The following AMPD2 variants were observed in gnomAD, a reference collection of about 807,000 sequenced individuals.
The protein encoded by AMPD2 is adenosine monophosphate deaminase 2, also known as AMP deaminase 2.
AMPD2 carries 52 observed loss-of-function variants against 91.3 expected under a neutral mutation model. That is an observed-to-expected ratio of 0.57 (90% CI 0.46 to 0.72). The LOEUF is 0.72. Among genes scored for constraint, AMPD2 ranks in the 30% least tolerant of loss-of-function variants. The probability of loss-of-function intolerance (pLI) is 0.00; values close to 1 mark genes in which losing one functional copy is unlikely to be tolerated. For missense variants in AMPD2, 822 were observed against 1,122.3 expected (o/e 0.73, Z 3.82); for synonymous variants, 455 against 456.4 (o/e 1.00, Z 0.04).
chr1:109,627,598 T>G (rs1342994705), intron 9 of AMPD2, 80 bp downstream of exon 9: 1 of 1,558,590 alleles, frequency 6.4e-7, no homozygotes, highest in Non-Finnish European at 8.8e-7. Context: ...CAGACTCCCA[T>G]CACCTGGTGT....
At chr1:109,630,541 T>A in intron 17 of AMPD2, 135 bp downstream of exon 17, 1 of 940,964 alleles carries the variant, frequency 1.1e-6, no homozygotes, top group Non-Finnish European at 1.5e-6. Context: ...GCTGGCCAAT[T>A]GACAAGTCTT....
At position 109,628,312 on chromosome 1, in the gene AMPD2, C is replaced by T. The variant is rs1170385188; in HGVS notation, c.1275+35C>T. Reference sequence around the variant, plus strand: ...AGTGGCGTGGGCTGTGGGACTGAGTCAGTCAGGGGACCAGGAGTCACGGGT... The same window carrying T: ...AGTGGCGTGGGCTGTGGGACTGAGTTAGTCAGGGGACCAGGAGTCACGGGT... On this transcript the variant is annotated intron_variant, in intron 11 of 18. Transcript: ENST00000528667. This position sits in a 1 kb window ranked among gnomAD's most constrained non-coding sequence, Gnocchi z 7.1. The T allele has an allele frequency of 1.9e-6, 3 of 1,612,860 alleles. No homozygotes were observed. In the African/African-American group the frequency reaches 4.0e-5, roughly 22 times the overall value.
chr1:109,629,535 C>G (rs954846165), intron 15 of AMPD2, 45 bp downstream of exon 15: 1 of 1,600,832 alleles, frequency 6.2e-7, no homozygotes, highest in Admixed American at 1.7e-5. Flanking sequence ...ATCTCTCGCC[C>G]AACAAACCTC....
intron 17 of AMPD2, 75 bp downstream of exon 17, chr1:109,630,481 TGGGG>T: frequency 1.5e-5 from 1 of 68,458 alleles, no homozygotes; most frequent in Non-Finnish European, 2.6e-5. Context: ...TGGGGGGCGG[TGGGG>T]GGGGCGGTCT....
rs997695553 is a variant in AMPD2, at chr1:109,628,047, C to T, written c.1081-36C>T. On this transcript the variant is annotated intron_variant, in intron 10 of 18. Coordinates refer to ENST00000528667, the MANE Select transcript of AMPD2 (RefSeq NM_001368809.2). This position sits in a 1 kb window ranked among gnomAD's most constrained non-coding sequence, Gnocchi z 7.1. ...TGCCCCAGGCCCCAGACCTTCCTGG[C>T]CTCTGGTGGATCAGCAGTGCCCTGT... 7.5e-6 allele frequency: 12 copies of T among 1,604,310 alleles called. No individual in the cohort carries two copies. The highest frequency in any genetic ancestry group is 3.4e-5 in the Admixed American group (2 of 59,648).
intron 9 of AMPD2, 58 bp downstream of exon 9, chr1:109,627,576 C>T (rs1002536078): frequency 6.3e-7 from 1 of 1,597,594 alleles, no homozygotes. Flanking sequence ...TTCTCCAGCC[C>T]CAGTTCTGCC....
rs1236553840 is a variant in AMPD2 at position 109,628,836 on chromosome 1, T to C, written c.1571+30T>C. 1 of 1,543,428 alleles carries C rather than the reference T, an allele frequency of 6.5e-7. No homozygotes were observed. Among genetic ancestry groups the C allele is most frequent in the Non-Finnish European group, 8.8e-7 (1 of 1,141,798 alleles). ...GTGTCCCTGGAGTGGGAGGGGAACC[T>C]GCGGGGTCATATTCAAGGGGTCAGG... On this transcript the variant is annotated intron_variant, in intron 13 of 18. Coordinates refer to ENST00000528667, the MANE Select transcript of AMPD2 (RefSeq NM_001368809.2). The surrounding 1 kb of genome is among the most constrained non-coding windows in gnomAD (Gnocchi z 7.1).
intron 2 of AMPD2, among the ~76,000 whole-genome samples, chr1:109,622,835 C>T (rs1003454510): frequency 6.6e-6 from 1 of 152,064 alleles, no homozygotes; most frequent in Non-Finnish European, 1.5e-5. Context: ...GGTCTGTGGT[C>T]GGCCTCCCCT....
At position 109,629,899 on chromosome 1, in the gene AMPD2, G is replaced by C. The variant is rs750791840; in HGVS notation, c.1966G>C (p.Gly656Arg). ...AFMLAENISH[G>R]LLLRKAPVLQ... ...CATGCTGGCTGAGAACATTTCCCAC[G>C]GGCTCCTTCTGCGCAAGGTCAGGAT... Residue 656 changes from glycine (G) to arginine (R), a missense_variant, in exon 16 of 19, where the codon GGG becomes CGG. This residue lies in a region of AMPD2 where 430 missense variants were observed against 606.0 expected (regional missense o/e 0.71). Transcript: ENST00000528667. The C allele has an allele frequency of 6.2e-7, 1 of 1,609,504 alleles. No homozygotes were observed. Among genetic ancestry groups the C allele is most frequent in the African/African-American group, 1.3e-5 (1 of 74,764 alleles).
At chr1:109,623,083 C>A (rs906064646) in intron 2 of AMPD2, among the ~76,000 whole-genome samples, 2 of 152,170 alleles carry the variant, frequency 1.3e-5, no homozygotes, top group African/African-American at 4.8e-5. Context: ...GCCCAGGGAA[C>A]CTCCCACTGT....
Position 109,627,275 on chromosome 1 carries a change from G to A in AMPD2, c.819G>A (p.Arg273=), listed in dbSNP as rs1557933341. The change falls in exon 8 of 19, where the codon CGG becomes CGA. Residue 273 remains arginine (R), a synonymous_variant. Transcript: ENST00000528667. Reference sequence around the variant, plus strand: ...TGGGCTTGGGTCTGCGCATGGTGCGGGGTGTGGTGCACGTCTACACCCGCA... The same window carrying A: ...TGGGCTTGGGTCTGCGCATGGTGCGAGGTGTGGTGCACGTCTACACCCGCA... ...GDLGLGLRMV[R]GVVHVYTRRE... 1 of 1,608,570 alleles carries A rather than the reference G, an allele frequency of 6.2e-7. No individual in the cohort carries two copies. Among genetic ancestry groups the A allele is most frequent in the Admixed American group, 1.7e-5 (1 of 59,668 alleles).
Position 109,625,315 on chromosome 1 carries a change from G to A in AMPD2, c.104G>A (p.Gly35Asp). 6.2e-7 allele frequency: 1 copy of A among 1,613,100 alleles called. No individual in the cohort carries two copies. The highest frequency in any genetic ancestry group is 8.5e-7 in the Non-Finnish European group (1 of 1,179,772). The change falls in exon 3 of 19, where the codon GGT becomes GAT. Residue 35 changes from glycine to aspartate, a missense_variant. Gly to Asp is a moderately conservative substitution (Grantham distance 94). This residue lies in a region of AMPD2 where 105 missense variants were observed against 125.0 expected (regional missense o/e 0.84). Coordinates refer to ENST00000528667, the MANE Select transcript of AMPD2 (RefSeq NM_001368809.2). This position sits in a 1 kb window ranked among gnomAD's most constrained non-coding sequence, Gnocchi z 4.0. ...ACTGTCTCTGCAGAGGCTCGGGGTG[G>A]TCTGGGGGCCCCTCCGCTGCAGTCT... Reference protein sequence around the residue: ...ASTAAPEARGGLGAPPLQSAR... With the variant: ...ASTAAPEARGDLGAPPLQSAR...
chr1:109,620,394 G>C (rs1265253388), intron 1 of AMPD2, 116 bp downstream of exon 1: 1 of 1,494,488 alleles, frequency 6.7e-7, no homozygotes, highest in African/African-American at 1.4e-5. Context: ...AAGGCGGTCA[G>C]CTCCTCCCAG....
Position 109,630,259 on chromosome 1 carries a change from C to T in AMPD2, c.2010C>T (p.Tyr670=), listed in dbSNP as rs1428827940. 6.8e-6 allele frequency: 11 copies of T among 1,613,442 alleles called. No homozygotes were observed. Among genetic ancestry groups the T allele is most frequent in the East Asian group, 4.5e-5 (2 of 44,878 alleles). The change falls in exon 17 of 19, where the codon TAC becomes TAT. Residue 670 remains tyrosine, a synonymous_variant. Coordinates refer to ENST00000528667, the MANE Select transcript of AMPD2 (RefSeq NM_001368809.2). ...RKAPVLQYLY[Y]LAQIGIAMSP... ...CCCCCGTCCTGCAGTACCTGTACTA[C>T]CTGGCCCAGATCGGCATCGCCATGT...
intron 18 of AMPD2, 49 bp from the exon 19 acceptor site, chr1:109,630,894 A>G: frequency 6.2e-7 from 1 of 1,607,046 alleles, no homozygotes; most frequent in Non-Finnish European, 8.5e-7. Flanking sequence ...GTGGGGCATG[A>G]CCCCTCAGCA....
At position 109,629,921 on chromosome 1, in the gene AMPD2, G is replaced by C. The variant is rs756495596; in HGVS notation, c.1983+5G>C. 6.3e-7 allele frequency: 1 copy of C among 1,596,932 alleles called. No homozygotes were observed. Among genetic ancestry groups the C allele is most frequent in the South Asian group, 1.1e-5 (1 of 89,210 alleles). On this transcript the variant is annotated splice_donor_5th_base_variant and intron_variant, in intron 16 of 18. Transcript: ENST00000528667. ...CACGGGCTCCTTCTGCGCAAGGTCAGGATCTGCACCCCTAGCCTTCCCTCC... is the reference window on the plus strand; with the variant it reads ...CACGGGCTCCTTCTGCGCAAGGTCACGATCTGCACCCCTAGCCTTCCCTCC...
At position 109,620,891 on chromosome 1, in the gene AMPD2, AC is replaced by A. The variant is rs1650190268; in HGVS notation, c.-262-18del. 6.3e-6 allele frequency: 9 copies of A among 1,423,026 alleles called. No individual in the cohort carries two copies. The East Asian group carries it at 2.3e-4, about 36-fold the overall frequency. 88.1% of individuals were successfully genotyped at this position (1,423,026 alleles called of 1,614,324 possible). ...CCCTTCCCCATCTTCTTTTCTACCC[AC>A]CCCCTCCCCGCCCCCCGCCAGGCCC... On this transcript the variant is annotated intron_variant, in intron 1 of 18. Coordinates refer to ENST00000528667, the MANE Select transcript of AMPD2 (RefSeq NM_001368809.2).
At chr1:109,621,429 T>TGTGGTTGG in intron 2 of AMPD2, 163 bp downstream of exon 2, 1 of 139,166 alleles carries the variant, frequency 7.2e-6, no homozygotes, top group East Asian at 2.5e-4. Context: ...GAAGGTGGGG[T>TGTGGTTGG]GAGGGGTGGT....
In AMPD2 at chr1:109,626,441, G is replaced by A. The variant is rs752175564; in HGVS notation, c.531+14G>A. On this transcript the variant is annotated intron_variant, in intron 6 of 18. Transcript: ENST00000528667. ...GAGAAGTGTGGGGTAAGTATGGGGT[G>A]TATGTTGGGTGAGTCGCCATCACCT... 4.4e-6 allele frequency: 7 copies of A among 1,593,326 alleles called. No homozygotes were observed. In the East Asian group the frequency reaches 9.0e-5, roughly 21 times the overall value.
Sources: allele counts gnomAD v4.1 joint callset (sites outside exome capture counted in the v4.1 genomes callset), GRCh38; gene constraint gnomAD v4.1.1; regional missense constraint gnomAD v4.1.1; non-coding constraint Gnocchi (gnomAD v3.1); transcripts MANE v1.5; gene names NCBI Gene and HGNC (gene_info 2026-07-23, HGNC 2026-07-21).